Variants in DDR2 observed in about 807,000 individuals in gnomAD.
DDR2 encodes the protein discoidin domain receptor tyrosine kinase 2, also known as discoidin domain-containing receptor 2.
In DDR2, 27 loss-of-function variants were observed where a neutral mutation model predicts 94.9. That is an observed-to-expected ratio of 0.28 (90% CI 0.21 to 0.39). The LOEUF is 0.39. DDR2 is among the 10% of genes least tolerant of loss of function. The pLI is 1.00. For missense variants in DDR2, 783 were observed against 1,076.0 expected (o/e 0.73, Z 3.81); for synonymous variants, 382 against 377.2 (o/e 1.01, Z -0.15).
At chr1:162,693,879 C>G (rs185764675) in intron 2 of DDR2, among the ~76,000 whole-genome samples, 1 of 152,112 alleles carries the variant, frequency 6.6e-6, no homozygotes, top group Admixed American at 6.5e-5. Flanking sequence ...CTTGGCTTCT[C>G]TCTCTCTTCT....
At chr1:162,742,188 A>G (rs1160409271) in intron 3 of DDR2, among the ~76,000 whole-genome samples, 1 of 152,256 alleles carries the variant, frequency 6.6e-6, no homozygotes, top group African/African-American at 2.4e-5. Flanking sequence ...AGGCAAAGTG[A>G]TATTACATTC....
Position 162,705,763 on chromosome 1 carries a change from T to A in DDR2, c.-27-13274T>A, listed in dbSNP as rs2102004423. ...AACTCAGGCCCAGAGGCCAGCTTACTGTCATCTGGCTAAGTTTCTGCTTCT... is the reference window on the plus strand; with the variant it reads ...AACTCAGGCCCAGAGGCCAGCTTACAGTCATCTGGCTAAGTTTCTGCTTCT... On this transcript the variant is annotated intron_variant, in intron 2 of 17. Coordinates refer to ENST00000367921, the MANE Select transcript of DDR2 (RefSeq NM_006182.4). Among the ~76,000 whole-genome samples the A allele has an allele frequency of 2.0e-5, 3 of 152,354 alleles. 1 individual carries two copies. The Middle Eastern group carries it at 0.01, about 518-fold the overall frequency.
At chr1:162,675,311 TA>T (rs1659076008) in intron 2 of DDR2, among the ~76,000 whole-genome samples, 1 of 152,000 alleles carries the variant, frequency 6.6e-6, no homozygotes, top group Admixed American at 6.6e-5. Flanking sequence ...AGCCAATGAG[TA>T]GAAGAAAGGG....
chr1:162,775,103 G>A (rs931369157), intron 14 of DDR2, among the ~76,000 whole-genome samples: 2 of 151,962 alleles, frequency 1.3e-5, no homozygotes, highest in African/African-American at 2.4e-5. Context: ...CTCTGTTTTC[G>A]ACAGGCTACT....
At chr1:162,755,796 T>C (rs542724371) in intron 7 of DDR2, 27 bp downstream of exon 7, 1 of 1,568,788 alleles carries the variant, frequency 6.4e-7, no homozygotes, top group Non-Finnish European at 8.8e-7. Context: ...TTTATTAGAA[T>C]GGGAAATTGG....
chr1:162,749,464 C>A (rs556194723), intron 3 of DDR2, among the ~76,000 whole-genome samples: 18 of 152,092 alleles, frequency 1.2e-4, no homozygotes, highest in African/African-American at 4.3e-4. Flanking sequence ...AGGAAGAAGT[C>A]GAATCCCTGA....
At chr1:162,652,925 G>A (rs1657773223) in intron 1 of DDR2, among the ~76,000 whole-genome samples, 1 of 151,438 alleles carries the variant, frequency 6.6e-6, no homozygotes, top group South Asian at 2.1e-4. Flanking sequence ...GGCTACAATG[G>A]CAAAACCTTG....
intron 2 of DDR2, among the ~76,000 whole-genome samples, chr1:162,658,852 A>ATAAATAAATAAATAAATAAAT: frequency 6.6e-6 from 1 of 151,554 alleles, no homozygotes; most frequent in Non-Finnish European, 1.5e-5. Context: ...AAATAAATAA[A>ATAAATAAATAAATAAATAAAT]AGTTCTTCAA....
chr1:162,767,397 C>A, intron 11 of DDR2, 38 bp downstream of exon 11: 1 of 1,611,336 alleles, frequency 6.2e-7, no homozygotes, highest in African/African-American at 1.3e-5. Flanking sequence ...TAAGAAACTG[C>A]TCCTTTCTTT....
chr1:162,643,759 G>C (rs1262479636), intron 1 of DDR2, among the ~76,000 whole-genome samples: 2 of 152,204 alleles, frequency 1.3e-5, no homozygotes, highest in Non-Finnish European at 2.9e-5. Context: ...GGGATTACAG[G>C]TGTGAGCCAC....
intron 2 of DDR2, among the ~76,000 whole-genome samples, chr1:162,663,057 A>G (rs749395159): frequency 3.3e-5 from 5 of 152,184 alleles, no homozygotes; most frequent in South Asian, 4.1e-4. Flanking sequence ...CACCCTAAGC[A>G]TAACTAAGAA....
In DDR2 at chr1:162,763,336, C is replaced by CTTTTTTTTTTT. The variant is rs56323242; in HGVS notation, c.1099+1906_1099+1916dup. Among the ~76,000 whole-genome samples, 5 of 56,498 alleles carry CTTTTTTTTTTT rather than the reference C, an allele frequency of 8.8e-5. 1 individual carries two copies. The highest frequency in any genetic ancestry group is 1.5e-4 in the African/African-American group (2 of 13,330). 37.1% of individuals were successfully genotyped at this position (56,498 alleles called of 152,430 possible). The stretch of plus-strand genomic sequence containing the variant: ...TACAGGTGCCTGCTACCACGCCCGG[C>CTTTTTTTTTTT]TTTTTTTTTTTTTTTTTTTTTTTTT... On this transcript the variant is annotated intron_variant, in intron 9 of 17. Coordinates refer to ENST00000367921, the MANE Select transcript of DDR2 (RefSeq NM_006182.4).
At chr1:162,638,166 AC>A (rs1656931829) in intron 1 of DDR2, among the ~76,000 whole-genome samples, 1 of 151,964 alleles carries the variant, frequency 6.6e-6, no homozygotes. Flanking sequence ...GATTACAGAC[AC>A]CCGCCACCAA....
chr1:162,776,001 G>T (rs567661817), intron 15 of DDR2, 135 bp from the exon 16 acceptor site: 1 of 1,301,684 alleles, frequency 7.7e-7, no homozygotes, highest in Non-Finnish European at 1.1e-6. Flanking sequence ...TTGGGGAAAC[G>T]CAAGGGATTC....
chr1:162,755,126 C>T (rs764813817), intron 5 of DDR2, 30 bp from the exon 6 acceptor site: 30 of 1,613,822 alleles, frequency 1.9e-5, no homozygotes, highest in Middle Eastern at 1.7e-4. Flanking sequence ...TTAATACCAC[C>T]TCTTCACTCA....
At position 162,777,477 on chromosome 1, in the gene DDR2, AC is replaced by A. The variant is rs869137652; in HGVS notation, c.2284-1101del. ...TATTATGAATGATGCTGTGATGTAC[AC>A]CAGTTTACATAAATCCTTATAAAGA... On this transcript the variant is annotated intron_variant, in intron 16 of 17. Transcript: ENST00000367921. Among the ~76,000 whole-genome samples the A allele has an allele frequency of 6.4e-4, 8 of 12,538 alleles. No individual in the cohort carries two copies. The Non-Finnish European group carries it at 0.022, about 34-fold the overall frequency. 8.2% of individuals were successfully genotyped at this position (12,538 alleles called of 152,430 possible).
At chr1:162,733,564 A>G (rs1017558766) in intron 3 of DDR2, among the ~76,000 whole-genome samples, 14 of 152,150 alleles carry the variant, frequency 9.2e-5, no homozygotes, top group African/African-American at 2.9e-4. Flanking sequence ...TTATCTCTGA[A>G]TTGTCTATCC....
intron 16 of DDR2, among the ~76,000 whole-genome samples, chr1:162,776,678 A>C (rs1647575835): frequency 1.3e-5 from 2 of 152,198 alleles, no homozygotes; most frequent in South Asian, 4.1e-4. Context: ...AAACCTTATC[A>C]TTTAAAGAAA....
chr1:162,729,601 TGTC>T (rs1661918347), intron 3 of DDR2, among the ~76,000 whole-genome samples: 2 of 150,464 alleles, frequency 1.3e-5, no homozygotes, highest in Admixed American at 1.3e-4. Context: ...TAATCTGTTG[TGTC>T]GTCATGACCA....
Sources: gnomAD v4.1 joint callset for allele counts (sites outside exome capture counted in the v4.1 genomes callset) on GRCh38, gnomAD v4.1.1 for gene constraint, MANE v1.5 for transcripts, NCBI Gene and HGNC (gene_info 2026-07-23, HGNC 2026-07-21) for gene names.